WDR7: variants seen among roughly 807,000 people sequenced by gnomAD.
WDR7 encodes the protein WD repeat domain 7, also known as WD repeat-containing protein 7.
Under a neutral mutation model 169.4 loss-of-function variants are expected in WDR7, and 46 were observed. The observed-to-expected ratio is 0.27, with a 90% CI of 0.21 to 0.35. The LOEUF (loss-of-function observed/expected upper bound fraction) is 0.35. Ranked by LOEUF, WDR7 falls within the 10% of genes least tolerant of loss-of-function variation. The pLI is 1.00. For missense variants in WDR7, 1,534 were observed against 1,859.3 expected, an observed-to-expected ratio of 0.83 and a Z score of 3.22; for synonymous variants, 612 against 666.8, an observed-to-expected ratio of 0.92 and a Z score of 1.27.
chr18:56,718,345 G>A (rs1473355731), intron 13 of WDR7, among the ~76,000 whole-genome samples, 186 bp downstream of exon 13: 2 of 152,028 alleles, frequency 1.3e-5, no homozygotes, highest in Non-Finnish European at 2.9e-5. Context: ...AATATTTCAC[G>A]AATCTTTAAA....
chr18:56,941,289 CATAATAATA>C (rs58883266), intron 25 of WDR7, among the ~76,000 whole-genome samples: 5 of 150,868 alleles, frequency 3.3e-5, no homozygotes, highest in Non-Finnish European at 7.4e-5. Flanking sequence ...AAGGAGAAGG[CATAATAATA>C]ATAATAATAA....
intron 20 of WDR7, among the ~76,000 whole-genome samples, chr18:56,863,153 C>T (rs555189498): frequency 6.5e-4 from 99 of 151,788 alleles, no homozygotes; most frequent in African/African-American, 2.3e-3. Context: ...TTTTTCATAA[C>T]ATAGTTGTTT....
chr18:56,672,448 T>C, intron 1 of WDR7, 49 bp from the exon 2 acceptor site: 2 of 1,371,602 alleles, frequency 1.5e-6, no homozygotes, highest in South Asian at 2.1e-5. Context: ...ATATAACATG[T>C]TTTCGAGAGA....
chr18:56,742,106 GTT>G (rs2043629224), intron 14 of WDR7, among the ~76,000 whole-genome samples: 1 of 152,190 alleles, frequency 6.6e-6, no homozygotes, highest in South Asian at 2.1e-4. Flanking sequence ...ATTCAGAGCA[GTT>G]TTGTTTTTCC....
intron 20 of WDR7, among the ~76,000 whole-genome samples, chr18:56,820,922 G>A (rs1233727175): frequency 6.6e-6 from 1 of 152,108 alleles, no homozygotes; most frequent in Non-Finnish European, 1.5e-5. Flanking sequence ...CAAAACATAT[G>A]ATTTGACCTT....
intron 14 of WDR7, among the ~76,000 whole-genome samples, chr18:56,733,481 T>G (rs961953020): frequency 6.6e-6 from 1 of 152,140 alleles, no homozygotes; most frequent in African/African-American, 2.4e-5. Flanking sequence ...GGATATTGGA[T>G]CTAATTTTTT....
rs201100872 is a variant in WDR7, at chr18:56,691,288, G to A, written c.790G>A (p.Asp264Asn). The A allele has an allele frequency of 1.7e-5, 28 of 1,608,378 alleles. No homozygotes were observed. Among genetic ancestry groups the A allele is most frequent in the South Asian group, 1.7e-4 (15 of 89,678 alleles). ...SENGQTWTGG[D>N]FVSSDKVIIW... ...AAATGGACAGACATGGACCGGGGGG[G>A]ACTTTGTCTCATCAGATAAAGTCAT... Residue 264 changes from aspartate to asparagine, a missense_variant, in exon 8 of 28, where the codon GAC (aspartate) becomes AAC (asparagine). Transcript: ENST00000254442.
chr18:57,034,120 G>C (rs918928527), downstream of WDR7: 3 of 152,186 alleles, frequency 2.0e-5, no homozygotes, highest in African/African-American at 7.2e-5. Context: ...CTGCACTCCA[G>C]CCCAGGCAAG....
At chr18:56,949,087 A>G (rs530598314) in intron 25 of WDR7, among the ~76,000 whole-genome samples, 1 of 151,166 alleles carries the variant, frequency 6.6e-6, no homozygotes, top group Non-Finnish European at 1.5e-5. Flanking sequence ...CACTCTCTTC[A>G]TCTACTGGAA....
At chr18:56,699,218 T>C (rs1044655105) in intron 12 of WDR7, among the ~76,000 whole-genome samples, 2 of 152,196 alleles carry the variant, frequency 1.3e-5, no homozygotes, top group Non-Finnish European at 2.9e-5. Context: ...CATCAGCAAG[T>C]ATGTTTAAAG....
At chr18:56,968,983 A>G (rs183878675) in intron 26 of WDR7, among the ~76,000 whole-genome samples, 185 of 152,270 alleles carry the variant, frequency 1.2e-3, no homozygotes, top group Non-Finnish European at 2.2e-3. Flanking sequence ...GAAAATCCAC[A>G]CATTATTATT....
chr18:56,820,645 T>A (rs1308940410), intron 20 of WDR7, among the ~76,000 whole-genome samples: 1 of 152,138 alleles, frequency 6.6e-6, no homozygotes, highest in Admixed American at 6.5e-5. Context: ...CTGCCCTCAG[T>A]TACGTTGTAC....
chr18:56,663,066 T>A (rs1006571293), intron 1 of WDR7, among the ~76,000 whole-genome samples: 2 of 152,238 alleles, frequency 1.3e-5, no homozygotes, highest in African/African-American at 4.8e-5. Context: ...GGCTGCCCTC[T>A]CACTGCGTCC....
chr18:57,021,050 AAG>A (rs2048282494), intron 27 of WDR7, among the ~76,000 whole-genome samples: 1 of 152,226 alleles, frequency 6.6e-6, no homozygotes, highest in Non-Finnish European at 1.5e-5. Flanking sequence ...GCAATCTGGA[AAG>A]AGGGGCATCT....
intron 20 of WDR7, among the ~76,000 whole-genome samples, chr18:56,831,062 G>C (rs1041925226): frequency 3.3e-5 from 5 of 152,148 alleles, no homozygotes; most frequent in African/African-American, 1.2e-4. Context: ...ACTAAACTTT[G>C]TACATCAACC....
At chr18:56,954,086 C>T (rs1224318822) in intron 25 of WDR7, among the ~76,000 whole-genome samples, 1 of 152,130 alleles carries the variant, frequency 6.6e-6, no homozygotes, top group Non-Finnish European at 1.5e-5. Context: ...AGGGTACTAA[C>T]TTTAAAGGAC....
intron 12 of WDR7, among the ~76,000 whole-genome samples, chr18:56,701,408 T>G (rs2025831840): frequency 6.6e-6 from 1 of 152,228 alleles, no homozygotes; most frequent in South Asian, 2.1e-4. Context: ...CTATATATCA[T>G]TTGCTTGAAA....
Position 56,955,654 on chromosome 18 carries a change from GGATGATGATGAT to G in WDR7, c.4065-6748_4065-6737del, listed in dbSNP as rs34888311. Among the ~76,000 whole-genome samples, 67 of 150,382 alleles carry G rather than the reference GGATGATGATGAT, an allele frequency of 4.5e-4. No homozygotes were observed. In the East Asian group the frequency reaches 5.3e-3, roughly 12 times the overall value. On this transcript the variant is annotated intron_variant, in intron 25 of 27. Transcript: ENST00000254442. The stretch of plus-strand genomic sequence containing the variant: ...GTAGTATATATTCAGAGATGCAGAT[GGATGATGATGAT>G]GATGATGATGATGATGATGATGATG...
intron 25 of WDR7, among the ~76,000 whole-genome samples, chr18:56,954,920 A>G (rs2047231615): frequency 6.6e-6 from 1 of 152,164 alleles, no homozygotes; most frequent in Non-Finnish European, 1.5e-5. Flanking sequence ...CTTCGTTATT[A>G]TGTAGACAGA....
Sources: gnomAD v4.1 joint callset for allele counts (sites outside exome capture counted in the v4.1 genomes callset) on GRCh38, gnomAD v4.1.1 for gene constraint, MANE v1.5 for transcripts, NCBI Gene and HGNC (gene_info 2026-07-23, HGNC 2026-07-21) for gene names.